Variants in GNG4 observed in about 807,000 individuals in gnomAD.
GNG4 encodes the protein G protein subunit gamma 4, also known as guanine nucleotide-binding protein G(I)/G(S)/G(O) subunit gamma-4.
Under a neutral mutation model 5.8 loss-of-function variants are expected in GNG4, and 4 were observed. The observed-to-expected ratio is 0.69, with a 90% CI of 0.34 to 1.57. The LOEUF (loss-of-function observed/expected upper bound fraction) is 1.57, where lower values mean the gene tolerates loss of function less well. GNG4 is among the 40% of genes most tolerant of loss of function. GNG4 has a pLI of 0.06. For synonymous variants in GNG4, 29 were observed against 32.9 expected (o/e 0.88, Z 0.41); for missense variants, 96 against 95.1 (o/e 1.01, Z -0.04).
At chr1:235,625,106 G>A (rs533413390) in intron 1 of GNG4, among the ~76,000 whole-genome samples, 2 of 151,268 alleles carry the variant, frequency 1.3e-5, no homozygotes, top group Non-Finnish European at 2.9e-5. Flanking sequence ...GGGGCTCTGG[G>A]GGAGGGAACG....
At chr1:235,596,253 C>CACACACACACACACACACACACA (rs1688124848) in intron 1 of GNG4, among the ~76,000 whole-genome samples, 1 of 136,790 alleles carries the variant, frequency 7.3e-6, no homozygotes, top group East Asian at 2.2e-4. Context: ...CACACACACA[C>CACACACACACACACACACACACA]CTGGCCGGGC....
intron 1 of GNG4, among the ~76,000 whole-genome samples, chr1:235,600,050 A>T (rs1224479615): frequency 2.2e-5 from 3 of 138,766 alleles, no homozygotes; most frequent in African/African-American, 7.9e-5. Flanking sequence ...GTTGGAGCTG[A>T]TGGGAATTTA....
At chr1:235,579,231 A>G (rs1340983046) in intron 3 of GNG4, among the ~76,000 whole-genome samples, 3 of 152,122 alleles carry the variant, frequency 2.0e-5, no homozygotes. Flanking sequence ...TGTTCTCACC[A>G]CAGAAAACTA....
At chr1:235,597,130 T>G (rs1688140448) in intron 1 of GNG4, among the ~76,000 whole-genome samples, 1 of 152,188 alleles carries the variant, frequency 6.6e-6, no homozygotes, top group South Asian at 2.1e-4. Flanking sequence ...CAGGACAGTC[T>G]CTCCAGGATG....
intron 1 of GNG4, among the ~76,000 whole-genome samples, chr1:235,616,751 T>C (rs540082437): frequency 2.7e-5 from 4 of 150,080 alleles, no homozygotes; most frequent in African/African-American, 7.4e-5. Flanking sequence ...TGTGCGCGCG[T>C]GTTTTGAGAT....
intron 3 of GNG4, among the ~76,000 whole-genome samples, chr1:235,577,731 G>A (rs983423856): frequency 2.6e-5 from 4 of 152,108 alleles, no homozygotes; most frequent in Non-Finnish European, 5.9e-5. Context: ...GAGCCACTGC[G>A]CCCGGCCCAT....
chr1:235,632,497 G>C (rs1688951889), intron 1 of GNG4, among the ~76,000 whole-genome samples: 1 of 152,240 alleles, frequency 6.6e-6, no homozygotes, highest in South Asian at 2.1e-4. Context: ...AGTGGTTCTG[G>C]AGATGTGGTT....
chr1:235,552,226 T>C lies in GNG4; in HGVS notation c.111A>G (p.Ala37=). The C allele has an allele frequency of 6.2e-7, 1 of 1,614,026 alleles. No individual in the cohort carries two copies. Among genetic ancestry groups the C allele is most frequent in the Non-Finnish European group, 8.5e-7 (1 of 1,179,922 alleles). The change falls in exon 4 of 4, where the codon GCA becomes GCG. Residue 37 remains alanine, a synonymous_variant. Coordinates refer to ENST00000391854, the MANE Select transcript of GNG4 (RefSeq NM_001098722.2). ...CACAGTAGGCCAGGAGGTCCGCAGC[T>C]GCCTGGGAGACCTGTGAGGGCACAG... The part of the protein sequence containing the change: ...ACMDRVKVSQ[A]AADLLAYCEA...
At chr1:235,555,439 A>C (rs946665721) in intron 3 of GNG4, among the ~76,000 whole-genome samples, 1 of 152,194 alleles carries the variant, frequency 6.6e-6, no homozygotes, top group African/African-American at 2.4e-5. Context: ...ACTATGCTAC[A>C]TGCATCAGAT....
chr1:235,575,182 G>A (rs1175540741), intron 3 of GNG4, among the ~76,000 whole-genome samples: 1 of 152,140 alleles, frequency 6.6e-6, no homozygotes, highest in Non-Finnish European at 1.5e-5. Context: ...TAAATACAGA[G>A]GGTCCCTGAC....
intron 3 of GNG4, among the ~76,000 whole-genome samples, chr1:235,557,526 C>T (rs1686948972): frequency 6.6e-6 from 1 of 152,044 alleles, no homozygotes; most frequent in Non-Finnish European, 1.5e-5. Flanking sequence ...GGCTGTGACC[C>T]GCCAATCCCC....
chr1:235,608,594 TGGAC>T (rs1688412171), intron 1 of GNG4, among the ~76,000 whole-genome samples: 4 of 152,224 alleles, frequency 2.6e-5, no homozygotes, highest in Non-Finnish European at 4.4e-5. Context: ...TTACCCATTC[TGGAC>T]ATTTCACATA....
At chr1:235,594,098 T>A (rs1443040935) in intron 2 of GNG4, among the ~76,000 whole-genome samples, 1 of 152,158 alleles carries the variant, frequency 6.6e-6, no homozygotes. Context: ...ATCCCTGAGC[T>A]AGACACAAAA....
chr1:235,571,358 G>C (rs967258298), intron 3 of GNG4, among the ~76,000 whole-genome samples: 26 of 152,288 alleles, frequency 1.7e-4, no homozygotes, highest in Non-Finnish European at 5.9e-5. Flanking sequence ...GCAAGTTAAT[G>C]AATCTTCATA....
At chr1:235,619,309 A>G (rs1419671122) in intron 1 of GNG4, among the ~76,000 whole-genome samples, 1 of 151,390 alleles carries the variant, frequency 6.6e-6, no homozygotes, top group Non-Finnish European at 1.5e-5. Flanking sequence ...AGGTGGGAGG[A>G]TCACTTGATC....
intron 1 of GNG4, among the ~76,000 whole-genome samples, chr1:235,614,118 T>A (rs2102971088): frequency 6.6e-6 from 1 of 152,320 alleles, no homozygotes; most frequent in East Asian, 1.9e-4. Context: ...TGGCCTAGAT[T>A]CTCCATTTCT....
rs192648408 is a variant in GNG4, at chr1:235,632,754, T to C, written c.-123+16908A>G. ...ACGACTTGGCACATTCCTAGAATAT[T>C]AGACATTGTCATCGGCCTTTGTTGA... On this transcript the variant is annotated intron_variant, in intron 1 of 3. Coordinates refer to ENST00000391854, the MANE Select transcript of GNG4 (RefSeq NM_001098722.2). Among the ~76,000 whole-genome samples the C allele has an allele frequency of 4.6e-5, 7 of 152,280 alleles. No individual in the cohort carries two copies. In the East Asian group the frequency reaches 1.2e-3, roughly 25 times the overall value.
chr1:235,632,021 G>A (rs573139525), intron 1 of GNG4, among the ~76,000 whole-genome samples: 114 of 152,342 alleles, frequency 7.5e-4, no homozygotes, highest in Non-Finnish European at 6.5e-4. Context: ...GGCTGTGTGC[G>A]GAGGCTTGCT....
intron 1 of GNG4, among the ~76,000 whole-genome samples, chr1:235,601,685 G>A (rs1688261072): frequency 1.3e-5 from 2 of 152,180 alleles, no homozygotes; most frequent in South Asian, 2.1e-4. Flanking sequence ...CCCCAGGGTC[G>A]CTTGCAGCTA....
Sources: gnomAD v4.1 joint callset for allele counts (sites outside exome capture counted in the v4.1 genomes callset) on GRCh38, gnomAD v4.1.1 for gene constraint, MANE v1.5 for transcripts, NCBI Gene and HGNC (gene_info 2026-07-23, HGNC 2026-07-21) for gene names.